Variants in BRINP3 observed in about 807,000 individuals in gnomAD.
BRINP3 encodes BMP/retinoic acid inducible neural specific 3.
A neutral mutation model predicts 71.0 loss-of-function variants in BRINP3; 19 were observed. The ratio of observed to expected loss-of-function variants is 0.27; its 90% CI spans 0.19 to 0.39. The LOEUF is 0.39. Ranked by LOEUF, BRINP3 falls within the 10% of genes least tolerant of loss-of-function variation. The probability of loss-of-function intolerance (pLI) is 1.00; values close to 1 mark genes in which losing one functional copy is unlikely to be tolerated. For missense variants in BRINP3, 959 were observed against 940.8 expected (o/e 1.02, Z -0.25); for synonymous variants, 380 against 337.7 (o/e 1.13, Z -1.37).
chr1:190,311,720 G>T (rs1184210527), intron 2 of BRINP3, among the ~76,000 whole-genome samples: 1 of 151,078 alleles, frequency 6.6e-6, no homozygotes, highest in Non-Finnish European at 1.5e-5. Context: ...AAGTTGATTA[G>T]ATCTTCTAAA....
intron 2 of BRINP3, among the ~76,000 whole-genome samples, chr1:190,314,885 G>T (rs539356871): frequency 6.6e-6 from 1 of 152,258 alleles, no homozygotes; most frequent in East Asian, 1.9e-4. Flanking sequence ...AGAGCTGAGA[G>T]TATGCTGAAG....
At chr1:190,477,169 A>G (rs1677553926) in intron 1 of BRINP3, among the ~76,000 whole-genome samples, 1 of 152,014 alleles carries the variant, frequency 6.6e-6, no homozygotes. Flanking sequence ...GGGGCGATTA[A>G]TGTCCGTGTA....
chr1:190,170,566 TA>T (rs1268177728), intron 6 of BRINP3, among the ~76,000 whole-genome samples: 2 of 152,060 alleles, frequency 1.3e-5, no homozygotes, highest in African/African-American at 4.8e-5. Flanking sequence ...CTCAAGTGGG[TA>T]AAAAACAGTT....
intron 7 of BRINP3, among the ~76,000 whole-genome samples, chr1:190,114,065 G>A (rs918503416): frequency 9.9e-5 from 15 of 152,138 alleles, no homozygotes; most frequent in Non-Finnish European, 1.9e-4. Context: ...CAGTGTTAGG[G>A]TTGGGGCCTG....
chr1:190,419,635 A>T (rs1673230126), intron 2 of BRINP3, among the ~76,000 whole-genome samples: 1 of 151,702 alleles, frequency 6.6e-6, no homozygotes, highest in South Asian at 2.1e-4. Flanking sequence ...AGTTTCTCAT[A>T]CATTTTCTCT....
chr1:190,213,182 C>T (rs982427211), intron 6 of BRINP3, among the ~76,000 whole-genome samples: 2 of 152,006 alleles, frequency 1.3e-5, no homozygotes, highest in African/African-American at 4.8e-5. Context: ...AAAAAGAATG[C>T]TAGTTCTTTT....
intron 7 of BRINP3, among the ~76,000 whole-genome samples, chr1:190,157,460 T>A (rs770188080): frequency 2.0e-5 from 3 of 152,016 alleles, no homozygotes; most frequent in Non-Finnish European, 4.4e-5. Flanking sequence ...TCCCTGAGCT[T>A]CAGACATACA....
At chr1:190,106,182 A>C (rs1056110201) in intron 7 of BRINP3, among the ~76,000 whole-genome samples, 8 of 151,816 alleles carry the variant, frequency 5.3e-5, no homozygotes, top group Admixed American at 2.0e-4. Flanking sequence ...TCACCCCCCC[A>C]TAATATTCAT....
chr1:190,191,209 T>C (rs1654003427), intron 6 of BRINP3, among the ~76,000 whole-genome samples: 1 of 152,154 alleles, frequency 6.6e-6, no homozygotes, highest in Admixed American at 6.6e-5. Context: ...TAACATTACC[T>C]GGAGACTTTA....
chr1:190,149,442 A>T (rs1393881566), intron 7 of BRINP3, among the ~76,000 whole-genome samples: 2 of 152,202 alleles, frequency 1.3e-5, no homozygotes, highest in Non-Finnish European at 2.9e-5. Context: ...TCAGGTAGTG[A>T]CACAGTTTTG....
At chr1:190,175,359 T>C (rs1286550163) in intron 6 of BRINP3, among the ~76,000 whole-genome samples, 1 of 152,120 alleles carries the variant, frequency 6.6e-6, no homozygotes, top group African/African-American at 2.4e-5. Context: ...AATATATTAC[T>C]TTAAAAAAGT....
chr1:190,383,063 A>G (rs576704989), intron 2 of BRINP3, among the ~76,000 whole-genome samples: 1 of 152,128 alleles, frequency 6.6e-6, no homozygotes, highest in Non-Finnish European at 1.5e-5. Flanking sequence ...GGCCCTTGAA[A>G]TTAGTATATT....
intron 2 of BRINP3, among the ~76,000 whole-genome samples, chr1:190,448,640 A>C (rs1016647485): frequency 6.6e-6 from 1 of 151,734 alleles, no homozygotes; most frequent in Non-Finnish European, 1.5e-5. Flanking sequence ...TTATCTTTTT[A>C]CTTTTTATGT....
At chr1:190,215,135 A>G (rs1656302200) in intron 6 of BRINP3, among the ~76,000 whole-genome samples, 1 of 151,534 alleles carries the variant, frequency 6.6e-6, no homozygotes, top group Non-Finnish European at 1.5e-5. Context: ...GTCTCCCCCA[A>G]ATACCCCTAG....
chr1:190,238,456 C>T (rs1658736020), intron 4 of BRINP3, among the ~76,000 whole-genome samples: 1 of 151,872 alleles, frequency 6.6e-6, no homozygotes, highest in Non-Finnish European at 1.5e-5. Context: ...ATTCTACAAA[C>T]TAACAATAAT....
chr1:190,251,001 G>C (rs1166213871), intron 4 of BRINP3, among the ~76,000 whole-genome samples: 1 of 151,858 alleles, frequency 6.6e-6, no homozygotes, highest in Non-Finnish European at 1.5e-5. Flanking sequence ...AGGATCTCTT[G>C]AGGCCAGGAG....
chr1:190,263,621 G>T (rs1002080240), intron 4 of BRINP3, among the ~76,000 whole-genome samples: 2 of 134,224 alleles, frequency 1.5e-5, no homozygotes, highest in South Asian at 4.6e-4. Context: ...ACAGAGTCTC[G>T]CTCTGTCGCC....
At chr1:190,291,926 G>T (rs1296433345) in intron 2 of BRINP3, among the ~76,000 whole-genome samples, 2 of 152,058 alleles carry the variant, frequency 1.3e-5, no homozygotes, top group Non-Finnish European at 2.9e-5. Context: ...ATTTTAAAAG[G>T]TGTTATATGT....
chr1:190,318,417 AAAGCAATATATCTC>A (rs1666026700), intron 2 of BRINP3, among the ~76,000 whole-genome samples: 1 of 152,138 alleles, frequency 6.6e-6, no homozygotes, highest in Admixed American at 6.6e-5. Flanking sequence ...TAGACTATGG[AAAGCAATATATCTC>A]AAGTATTCTT....
Sources: gnomAD v4.1 joint callset for allele counts (sites outside exome capture counted in the v4.1 genomes callset) on GRCh38, gnomAD v4.1.1 for gene constraint, MANE v1.5 for transcripts, NCBI Gene and HGNC (gene_info 2026-07-23, HGNC 2026-07-21) for gene names.